The following NEDD9 variants were observed in gnomAD, a reference collection of about 807,000 sequenced individuals.
The protein encoded by NEDD9 is enhancer of filamentation 1.
Under a neutral mutation model 76.6 loss-of-function variants are expected in NEDD9, and 26 were observed. The observed-to-expected ratio is 0.34, with a 90% CI of 0.25 to 0.47. NEDD9 has a LOEUF of 0.47. Ranked by LOEUF, NEDD9 falls within the 20% of genes least tolerant of loss-of-function variation. The pLI is 1.00. For missense variants in NEDD9, 937 were observed against 1,058.5 expected, an observed-to-expected ratio of 0.89 and a Z score of 1.59; for synonymous variants, 392 against 414.2, an observed-to-expected ratio of 0.95 and a Z score of 0.65.
intron 2 of NEDD9, among the ~76,000 whole-genome samples, chr6:11,312,642 T>G (rs1761405246): frequency 6.7e-6 from 1 of 149,874 alleles, no homozygotes; most frequent in Middle Eastern, 3.6e-3. Flanking sequence ...GGAATTACTA[T>G]GGAAATGTTT....
At chr6:11,285,396 C>T (rs1056062669) in intron 3 of NEDD9, among the ~76,000 whole-genome samples, 2 of 152,120 alleles carry the variant, frequency 1.3e-5, no homozygotes, top group South Asian at 2.1e-4. Context: ...AGACTTATAT[C>T]GGTAAGATGT....
At chr6:11,331,952 A>C (rs923589868) in intron 2 of NEDD9, among the ~76,000 whole-genome samples, 1 of 152,228 alleles carries the variant, frequency 6.6e-6, no homozygotes, top group African/African-American at 2.4e-5. Context: ...GCTGTTTTTA[A>C]ACTGATCCGC....
chr6:11,283,027 C>T lies in NEDD9; in HGVS notation c.12+22965G>A, dbSNP rs1581997576. ...AACCATACAGGCTTCTTTTATTTTC[C>T]TCAAACACTTTGAGCAAACTTCTAC... On this transcript the variant is annotated intron_variant, in intron 3 of 3. Transcript: ENST00000397378. 1.3e-5 allele frequency among the ~76,000 whole-genome samples: 2 copies of T among 152,288 alleles called. 1 individual carries two copies. The highest frequency in any genetic ancestry group is 4.1e-4 in the South Asian group (2 of 4,828).
At chr6:11,211,269 G>A (rs1217489832) in intron 2 of NEDD9, among the ~76,000 whole-genome samples, 1 of 152,196 alleles carries the variant, frequency 6.6e-6, no homozygotes, top group Admixed American at 6.5e-5. Context: ...TGGAAGGACG[G>A]GGAGCCATGG....
chr6:11,333,298 G>T (rs1561838460), intron 2 of NEDD9, among the ~76,000 whole-genome samples: 1 of 152,178 alleles, frequency 6.6e-6, no homozygotes, highest in Non-Finnish European at 1.5e-5. Flanking sequence ...TTCTGAAGAG[G>T]CACAGGAGCG....
At chr6:11,251,817 C>T (rs142761948) in intron 3 of NEDD9, 12 of 152,218 alleles carry the variant, frequency 7.9e-5, no homozygotes, top group African/African-American at 2.9e-4. Flanking sequence ...AACAAATGAC[C>T]CTTTGTGCTC....
chr6:11,260,880 G>A (rs903299992), intron 3 of NEDD9, among the ~76,000 whole-genome samples: 4 of 147,356 alleles, frequency 2.7e-5, no homozygotes, highest in African/African-American at 1.0e-4. Flanking sequence ...GTATGTGTGA[G>A]CACGTGTGTG....
chr6:11,316,005 GGGCACGT>G (rs1761544799), intron 2 of NEDD9, among the ~76,000 whole-genome samples: 1 of 152,180 alleles, frequency 6.6e-6, no homozygotes, highest in Non-Finnish European at 1.5e-5. Flanking sequence ...ATGTCTTGCT[GGGCACGT>G]GGCTCTGATT....
intron 1 of NEDD9, among the ~76,000 whole-genome samples, chr6:11,368,866 C>A (rs975034409): frequency 1.3e-5 from 2 of 152,170 alleles, no homozygotes; most frequent in African/African-American, 4.8e-5. Context: ...CTTCCTCCCA[C>A]TAGCTAATAT....
At chr6:11,239,693 T>C (rs1759670356) in intron 3 of NEDD9, among the ~76,000 whole-genome samples, 1 of 152,166 alleles carries the variant, frequency 6.6e-6, no homozygotes, top group Non-Finnish European at 1.5e-5. Context: ...ACTACCTCGT[T>C]AGCAACAGTG....
chr6:11,214,865 A>T (rs547215499), intron 1 of NEDD9, among the ~76,000 whole-genome samples: 12 of 152,318 alleles, frequency 7.9e-5, no homozygotes, highest in African/African-American at 2.6e-4. Flanking sequence ...GGGCTCATTT[A>T]TGGAAGAAAG....
chr6:11,261,294 A>G (rs1018706357), intron 3 of NEDD9, among the ~76,000 whole-genome samples: 3 of 152,226 alleles, frequency 2.0e-5, no homozygotes, highest in African/African-American at 7.2e-5. Context: ...GGAAGTTATT[A>G]ACTCCATTTT....
intron 2 of NEDD9, among the ~76,000 whole-genome samples, chr6:11,332,852 A>G (rs565869449): frequency 1.3e-5 from 2 of 152,294 alleles, no homozygotes; most frequent in South Asian, 4.1e-4. Flanking sequence ...AATGATGGGG[A>G]GCTTTTCAAC....
rs149227660 is a variant in NEDD9 at position 11,185,549 on chromosome 6, C to G, written c.2118G>C (p.Gln706His). ...TNSGVSAQDR[Q>H]LLCFYYDQCE... ...ATTGGTCATAGTAGAAGCACAGCAA[C>G]TGCCGATCCTGAGCACTCACGCCAC... The change falls in exon 7 of 7, where the codon CAG (glutamine) becomes CAC (histidine). Residue 706 changes from glutamine to histidine, a missense_variant. Gln to His is a conservative substitution (Grantham distance 24). Coordinates refer to ENST00000379446, the MANE Select transcript of NEDD9 (RefSeq NM_006403.4). 9.1e-5 allele frequency: 147 copies of G among 1,614,198 alleles called. No homozygotes were observed. The African/African-American group carries it at 1.8e-3, about 19-fold the overall frequency.
chr6:11,189,164 C>T (rs147460339), intron 5 of NEDD9, among the ~76,000 whole-genome samples: 147 of 152,314 alleles, frequency 9.7e-4, no homozygotes, highest in African/African-American at 3.3e-3. Flanking sequence ...CCAGGCTGGT[C>T]TTGAACTCCT....
At chr6:11,309,083 C>A (rs891193732) in intron 2 of NEDD9, among the ~76,000 whole-genome samples, 1 of 152,180 alleles carries the variant, frequency 6.6e-6, no homozygotes, top group African/African-American at 2.4e-5. Context: ...TTTCTCTGTG[C>A]TTTACTATGT....
intron 2 of NEDD9, among the ~76,000 whole-genome samples, chr6:11,323,241 C>G (rs1049414763): frequency 2.0e-5 from 3 of 152,226 alleles, no homozygotes; most frequent in Non-Finnish European, 4.4e-5. Flanking sequence ...GAACACAGAG[C>G]AAGGAGACTT....
At chr6:11,305,149 T>C (rs928641288) in intron 3 of NEDD9, 3 of 1,288,924 alleles carry the variant, frequency 2.3e-6, no homozygotes, top group Non-Finnish European at 3.0e-6. Flanking sequence ...GTGCAGTTGA[T>C]GGTTGATTCT....
upstream of NEDD9, among the ~76,000 whole-genome samples, chr6:11,237,159 C>T (rs758347256): frequency 2.4e-4 from 36 of 152,172 alleles, no homozygotes; most frequent in Non-Finnish European, 4.4e-4. This position sits in a 1 kb window ranked among gnomAD's most constrained non-coding sequence, Gnocchi z 4.9. Flanking sequence ...TCACTATGCC[C>T]CCATTGTACT....
Sources: gnomAD v4.1 joint callset for allele counts (sites outside exome capture counted in the v4.1 genomes callset) on GRCh38, gnomAD v4.1.1 for gene constraint, Gnocchi (gnomAD v3.1) non-coding constraint, MANE v1.5 for transcripts, NCBI Gene and HGNC (gene_info 2026-07-23, HGNC 2026-07-21) for gene names.